PTPRD: variants seen among roughly 807,000 people sequenced by gnomAD.
The protein encoded by PTPRD is protein tyrosine phosphatase receptor type D.
A neutral mutation model predicts 214.5 loss-of-function variants in PTPRD; 34 were observed. The observed-to-expected ratio is 0.16, with a 90% CI of 0.12 to 0.21. PTPRD has a LOEUF of 0.21. Ranked by LOEUF, PTPRD falls within the 10% of genes least tolerant of loss-of-function variation. The pLI, the probability that PTPRD is intolerant of heterozygous loss-of-function variation, is 1.00. For missense variants in PTPRD, 2,545 were observed against 2,398.7 expected, an observed-to-expected ratio of 1.06 and a Z score of -1.27; for synonymous variants, 1,128 against 845.7, an observed-to-expected ratio of 1.33 and a Z score of -5.79.
chr9:9,632,870 C>T (rs1198192884), intron 7 of PTPRD, among the ~76,000 whole-genome samples: 1 of 151,978 alleles, frequency 6.6e-6, no homozygotes, highest in Non-Finnish European at 1.5e-5. Context: ...TGTTAATGAA[C>T]AAGGAAGAAT....
chr9:9,150,540 A>T (rs1166936498), intron 10 of PTPRD, among the ~76,000 whole-genome samples: 2 of 150,322 alleles, frequency 1.3e-5, no homozygotes, highest in African/African-American at 4.9e-5. Context: ...CCCAGACTGG[A>T]GTGCAATGGT....
intron 35 of PTPRD, among the ~76,000 whole-genome samples, chr9:8,412,770 T>A (rs1589772212): frequency 6.6e-6 from 1 of 152,298 alleles, no homozygotes; most frequent in South Asian, 2.1e-4. Flanking sequence ...CAAATAAATC[T>A]ATTTCTGCTC....
chr9:9,887,511 T>C (rs2071414002), intron 5 of PTPRD, among the ~76,000 whole-genome samples: 1 of 152,114 alleles, frequency 6.6e-6, no homozygotes, highest in South Asian at 2.1e-4. Flanking sequence ...AAGCAGCTGA[T>C]CTTATGGTAA....
chr9:10,174,811 T>C (rs1365694688), intron 3 of PTPRD, among the ~76,000 whole-genome samples: 1 of 152,078 alleles, frequency 6.6e-6, no homozygotes, highest in Admixed American at 6.6e-5. Flanking sequence ...AGTAACCCCA[T>C]AGTAAATTAA....
chr9:9,122,696 G>A (rs1233033635), intron 10 of PTPRD, among the ~76,000 whole-genome samples: 2 of 152,152 alleles, frequency 1.3e-5, no homozygotes, highest in Non-Finnish European at 2.9e-5. Flanking sequence ...ACCTTGGATT[G>A]AAATCCTGTG....
intron 3 of PTPRD, among the ~76,000 whole-genome samples, chr9:10,210,796 C>CATATATATATATATAT (rs35136618): frequency 2.5e-4 from 19 of 76,664 alleles, no homozygotes; most frequent in Non-Finnish European, 3.2e-4. Flanking sequence ...CAAAAAACTT[C>CATATATATATATATAT]ATATATATAT....
At chr9:8,462,735 TC>T (rs1486608481) in intron 32 of PTPRD, among the ~76,000 whole-genome samples, 1 of 151,812 alleles carries the variant, frequency 6.6e-6, no homozygotes, top group Non-Finnish European at 1.5e-5. Flanking sequence ...GATCGGTCAT[TC>T]CCCTCTACTA....
chr9:9,530,328 T>C (rs1161702468), intron 8 of PTPRD, among the ~76,000 whole-genome samples: 1 of 151,890 alleles, frequency 6.6e-6, no homozygotes, highest in East Asian at 1.9e-4. Context: ...ATTGCAGAAA[T>C]ACAAAAGAAT....
At chr9:9,117,021 G>C (rs143947007) in intron 10 of PTPRD, among the ~76,000 whole-genome samples, 34 of 152,108 alleles carry the variant, frequency 2.2e-4, no homozygotes, top group African/African-American at 8.2e-4. Flanking sequence ...GCGTGAGATG[G>C]GAGAAACAGG....
chr9:9,273,182 A>G (rs778010153), intron 9 of PTPRD, among the ~76,000 whole-genome samples: 57 of 151,344 alleles, frequency 3.8e-4, no homozygotes, highest in Non-Finnish European at 7.5e-4. Context: ...ATGTCAATAT[A>G]TGGCAAAAAT....
chr9:9,989,550 C>T (rs1464790234), intron 4 of PTPRD, among the ~76,000 whole-genome samples: 1 of 152,124 alleles, frequency 6.6e-6, no homozygotes, highest in Non-Finnish European at 1.5e-5. Context: ...TTCTAGCTCC[C>T]CTTCTTGCCG....
At chr9:10,066,468 C>T (rs1590159361) in intron 3 of PTPRD, among the ~76,000 whole-genome samples, 1 of 141,074 alleles carries the variant, frequency 7.1e-6, no homozygotes, top group Non-Finnish European at 1.6e-5. Flanking sequence ...AAAATGTATA[C>T]ATAATCACAC....
chr9:8,885,533 G>T (rs1284536033), intron 11 of PTPRD, among the ~76,000 whole-genome samples: 5 of 109,674 alleles, frequency 4.6e-5, no homozygotes, highest in African/African-American at 1.8e-4. Flanking sequence ...TCTCGCTCTT[G>T]TCACCCAGGC....
At chr9:9,714,048 A>G (rs1380680529) in intron 7 of PTPRD, among the ~76,000 whole-genome samples, 2 of 149,546 alleles carry the variant, frequency 1.3e-5, no homozygotes, top group African/African-American at 4.9e-5. Context: ...AAATGGCACA[A>G]TGACCCCAGT....
intron 9 of PTPRD, among the ~76,000 whole-genome samples, chr9:9,280,709 T>G (rs746084316): frequency 2.0e-5 from 3 of 151,388 alleles, no homozygotes; most frequent in Non-Finnish European, 3.0e-5. Context: ...TCTTCCTAAC[T>G]TGATTTATAG....
chr9:8,629,729 A>G (rs759249495), intron 14 of PTPRD, among the ~76,000 whole-genome samples: 19 of 151,810 alleles, frequency 1.3e-4, no homozygotes, highest in Non-Finnish European at 2.5e-4. Context: ...TTGTGTTTCC[A>G]TAGCCAAGAC....
At chr9:8,778,570 G>A (rs939840010) in intron 11 of PTPRD, among the ~76,000 whole-genome samples, 6 of 152,116 alleles carry the variant, frequency 3.9e-5, no homozygotes, top group Non-Finnish European at 5.9e-5. Context: ...GTCCTGGGCC[G>A]TGACTTCCAA....
chr9:8,690,038 G>T (rs1216484779), intron 12 of PTPRD, among the ~76,000 whole-genome samples: 3 of 151,242 alleles, frequency 2.0e-5, no homozygotes, highest in East Asian at 3.9e-4. Flanking sequence ...AGCCCAGGAG[G>T]GGGAGGTTGC....
chr9:10,359,835 T>C (rs1251237838), intron 2 of PTPRD, among the ~76,000 whole-genome samples: 1 of 152,180 alleles, frequency 6.6e-6, no homozygotes, highest in Non-Finnish European at 1.5e-5. Flanking sequence ...GATAATGATA[T>C]GGTTTTAAAA....
Sources: gnomAD v4.1 joint callset for allele counts (sites outside exome capture counted in the v4.1 genomes callset) on GRCh38, gnomAD v4.1.1 for gene constraint, MANE v1.5 for transcripts, NCBI Gene and HGNC (gene_info 2026-07-23, HGNC 2026-07-21) for gene names.